PI4K2B: variants seen among roughly 807,000 people sequenced by gnomAD.
PI4K2B encodes phosphatidylinositol 4-kinase type 2-beta.
Under a neutral mutation model 56.6 loss-of-function variants are expected in PI4K2B, and 46 were observed. The ratio of observed to expected loss-of-function variants is 0.81; its 90% CI spans 0.64 to 1.04. The LOEUF is 1.04. PI4K2B is among the 50% of genes least tolerant of loss of function. The pLI is 0.00. For missense variants in PI4K2B, 556 were observed against 607.7 expected, an observed-to-expected ratio of 0.91 and a Z score of 0.89; for synonymous variants, 211 against 223.8, an observed-to-expected ratio of 0.94 and a Z score of 0.51.
At chr4:25,273,098 C>T (rs1330830199) in intron 9 of PI4K2B, among the ~76,000 whole-genome samples, 1 of 150,470 alleles carries the variant, frequency 6.6e-6, no homozygotes, top group Non-Finnish European at 1.5e-5. Flanking sequence ...TCTAATTCTT[C>T]ACATAAAGAT....
At chr4:25,254,946 G>T (rs1716200103) in intron 2 of PI4K2B, 119 bp from the exon 3 acceptor site, 1 of 654,956 alleles carries the variant, frequency 1.5e-6, no homozygotes, top group Non-Finnish European at 2.7e-6. Context: ...TAATAGTTTG[G>T]GGATTTATGC....
At position 25,234,195 on chromosome 4, in the gene PI4K2B, C is replaced by T; in HGVS notation, c.32C>T (p.Ala11Val). ...GATCCCTCCGAGCCCGACCGGTTGG[C>T]GTCCGCGGACGGCGGGAGCCCGGAG... The part of the protein sequence containing the change: MEDPSEPDRL[A>V]SADGGSPEEE... The change falls in exon 1 of 10, where the codon GCG becomes GTG. Residue 11 changes from alanine (A) to valine (V), a missense_variant. Transcript: ENST00000264864. The T allele has an allele frequency of 3.6e-6, 5 of 1,401,316 alleles. No individual in the cohort carries two copies. Among genetic ancestry groups the T allele is most frequent in the East Asian group, 3.0e-5 (1 of 33,336 alleles). 86.8% of individuals were successfully genotyped at this position (1,401,316 alleles called of 1,614,324 possible). A position where few individuals can be genotyped will look rare whatever the true frequency, so the allele number is the denominator to read the frequency against.
intron 2 of PI4K2B, among the ~76,000 whole-genome samples, chr4:25,252,694 C>T (rs957252097): frequency 2.0e-5 from 3 of 152,244 alleles, no homozygotes; most frequent in African/African-American, 2.4e-5. Flanking sequence ...CTCACTGTAA[C>T]CTTGACCACC....
chr4:25,257,416 T>C (rs1245508726), intron 4 of PI4K2B, among the ~76,000 whole-genome samples: 2 of 152,120 alleles, frequency 1.3e-5, no homozygotes, highest in Non-Finnish European at 2.9e-5. Context: ...AAAAACTACC[T>C]CTTAGGTTGT....
At chr4:25,248,680 GT>G (rs1374637928) in intron 1 of PI4K2B, among the ~76,000 whole-genome samples, 1 of 151,462 alleles carries the variant, frequency 6.6e-6, no homozygotes, top group Non-Finnish European at 1.5e-5. Flanking sequence ...GCTGTATTCT[GT>G]TTTGAGTTTT....
intron 1 of PI4K2B, among the ~76,000 whole-genome samples, chr4:25,247,928 C>T (rs1382709519): frequency 6.6e-6 from 1 of 152,154 alleles, no homozygotes; most frequent in Non-Finnish European, 1.5e-5. Context: ...GTCTTGAACT[C>T]CTGGACACAA....
At chr4:25,244,604 T>C (rs534357369) in intron 1 of PI4K2B, among the ~76,000 whole-genome samples, 1 of 152,250 alleles carries the variant, frequency 6.6e-6, no homozygotes, top group South Asian at 2.1e-4. Context: ...GGTTTATGGG[T>C]CAAATTGGTC....
chr4:25,267,045 A>G (rs374594640), intron 7 of PI4K2B, among the ~76,000 whole-genome samples: 2 of 152,248 alleles, frequency 1.3e-5, no homozygotes, highest in Non-Finnish European at 2.9e-5. Flanking sequence ...AGGTAAACTT[A>G]GAGTGGTATC....
chr4:25,271,209 A>T (rs1187298510), intron 9 of PI4K2B, among the ~76,000 whole-genome samples: 1 of 152,244 alleles, frequency 6.6e-6, no homozygotes, highest in Non-Finnish European at 1.5e-5. Context: ...CAGAGTATAG[A>T]GGGCCTTAAA....
Position 25,234,304 on chromosome 4 carries a change from G to A in PI4K2B, c.141G>A (p.Val47=). The part of the protein sequence containing the change: ...HPRRGAPGSA[V]RLLDAAGEEG... ...GGAGAGGCGCCCCAGGCAGCGCCGT[G>A]AGGCTGCTGGACGCTGCCGGGGAGG... Residue 47 remains valine (V), a synonymous_variant, in exon 1 of 10, where the codon GTG becomes GTA. Transcript: ENST00000264864. 1 of 1,420,274 alleles carries A rather than the reference G, an allele frequency of 7.0e-7. No individual in the cohort carries two copies. Among genetic ancestry groups the A allele is most frequent in the Non-Finnish European group, 9.2e-7 (1 of 1,084,448 alleles). The allele number at this position is 1,420,274 out of a possible 1,614,324, so 88.0% of individuals were successfully genotyped here. A position where few individuals can be genotyped will look rare whatever the true frequency, so the allele number is the denominator to read the frequency against.
intron 1 of PI4K2B, among the ~76,000 whole-genome samples, chr4:25,245,562 T>C (rs983503219): frequency 1.3e-5 from 2 of 152,132 alleles, no homozygotes; most frequent in Non-Finnish European, 2.9e-5. Context: ...CTCCCAACTC[T>C]GAAGAGTCTG....
rs188574158 is a variant in PI4K2B at position 25,241,967 on chromosome 4, G to A, written c.268+7536G>A. On this transcript the variant is annotated intron_variant, in intron 1 of 9. Transcript: ENST00000264864. Reference sequence around the variant, plus strand: ...TTTGCCCTCTGGGTTTCCTTGTTTAGAGTATAGAGGGGCCTGGCTATCTCG... The same window carrying A: ...TTTGCCCTCTGGGTTTCCTTGTTTAAAGTATAGAGGGGCCTGGCTATCTCG... Among the ~76,000 whole-genome samples, 8 of 152,292 alleles carry A rather than the reference G, an allele frequency of 5.3e-5. No individual in the cohort carries two copies. The East Asian group carries it at 1.5e-3, about 29-fold the overall frequency.
chr4:25,244,343 G>T (rs1715667757), intron 1 of PI4K2B, among the ~76,000 whole-genome samples: 1 of 152,170 alleles, frequency 6.6e-6, no homozygotes, highest in Non-Finnish European at 1.5e-5. Context: ...GCTAGGATAT[G>T]GGGGTAAGCT....
chr4:25,241,433 G>C (rs891423434), intron 1 of PI4K2B, among the ~76,000 whole-genome samples: 4 of 152,198 alleles, frequency 2.6e-5, no homozygotes, highest in African/African-American at 9.7e-5. Context: ...GCATAAATCT[G>C]GACTATAATT....
In PI4K2B at chr4:25,242,388, C is replaced by T. The variant is rs140726890; in HGVS notation, c.268+7957C>T. ...TAAACCCCTGGGGCAAGACCTTCCA[C>T]GTAAGTTGGGACTTGTGGTCTGTGG... On this transcript the variant is annotated intron_variant, in intron 1 of 9. Coordinates refer to ENST00000264864, the MANE Select transcript of PI4K2B (RefSeq NM_018323.4). Among the ~76,000 whole-genome samples, 630 of 152,344 alleles carry T rather than the reference C, an allele frequency of 4.1e-3. 2 individuals carry two copies. The highest frequency in any genetic ancestry group is 6.7e-3 in the Admixed American group (102 of 15,308).
chr4:25,248,821 T>G (rs1211141587), intron 1 of PI4K2B, among the ~76,000 whole-genome samples: 2 of 152,082 alleles, frequency 1.3e-5, no homozygotes, highest in African/African-American at 4.8e-5. Context: ...TTTTTTAATT[T>G]TTTTAGTATT....
intron 4 of PI4K2B, among the ~76,000 whole-genome samples, chr4:25,258,315 C>A (rs771380212): frequency 6.7e-6 from 1 of 149,420 alleles, no homozygotes; most frequent in African/African-American, 2.5e-5. Context: ...TCAAGCGATT[C>A]TCCTGCCTCA....
chr4:25,278,595 T>C lies in PI4K2B; in HGVS notation c.*1408T>C, dbSNP rs1171382154. On this transcript the variant is annotated 3_prime_UTR_variant, in exon 10 of 10. Transcript: ENST00000264864. ...GATTCTGCTGCCCTGAGGGAGTTCA[T>C]TGGAAACCTGCGTTCTCCTACCTCT... The C allele has an allele frequency of 1.3e-5, 2 of 152,634 alleles. No individual in the cohort carries two copies. The highest frequency in any genetic ancestry group is 2.9e-5 in the Non-Finnish European group (2 of 68,030). The allele number at this position is 152,634 out of a possible 1,614,324, so 9.5% of individuals were successfully genotyped here. A position where few individuals can be genotyped will look rare whatever the true frequency, so the allele number is the denominator to read the frequency against.
At chr4:25,251,826 G>GTTGTTA (rs1553889412) in intron 1 of PI4K2B, among the ~76,000 whole-genome samples, 15,223 of 150,490 alleles carry the variant, frequency 0.1, 1,085 homozygotes, top group African/African-American at 0.21. Context: ...TGTTGTTGTT[G>GTTGTTA]TTATTATTAT....
Sources: allele counts gnomAD v4.1 joint callset (sites outside exome capture counted in the v4.1 genomes callset), GRCh38; gene constraint gnomAD v4.1.1; transcripts MANE v1.5; gene names NCBI Gene and HGNC (gene_info 2026-07-23, HGNC 2026-07-21).